The following VPS13B variants were observed in gnomAD, a reference collection of about 807,000 sequenced individuals.
VPS13B encodes intermembrane lipid transfer protein VPS13B.
VPS13B carries 285 observed loss-of-function variants against 426.4 expected under a neutral mutation model. That is an observed-to-expected ratio of 0.67 (90% confidence interval 0.61 to 0.74). VPS13B has a LOEUF of 0.74. Ranked by LOEUF, VPS13B falls within the 30% of genes least tolerant of loss-of-function variation. VPS13B has a pLI of 0.00. For missense variants in VPS13B, 4,537 were observed against 4,782.6 expected, an observed-to-expected ratio of 0.95 and a Z score of 1.51; for synonymous variants, 1,676 against 1,676.4, an observed-to-expected ratio of 1.00 and a Z score of 0.01.
chr8:99,665,022 G>A (rs377345080), intron 35 of VPS13B, among the ~76,000 whole-genome samples: 3 of 152,102 alleles, frequency 2.0e-5, no homozygotes, highest in Non-Finnish European at 2.9e-5. Flanking sequence ...AACTGGTGTG[G>A]GATGGTATCT....
intron 39 of VPS13B, among the ~76,000 whole-genome samples, chr8:99,733,106 A>T (rs1833670594): frequency 1.3e-5 from 2 of 152,222 alleles, no homozygotes; most frequent in Non-Finnish European, 2.9e-5. Context: ...AAATGAAAGA[A>T]TAGTAAATAT....
intron 19 of VPS13B, among the ~76,000 whole-genome samples, chr8:99,307,352 C>G (rs1315283019): frequency 6.6e-6 from 1 of 151,712 alleles, no homozygotes; most frequent in Admixed American, 6.6e-5. Context: ...TTACTGTCCT[C>G]AGGCTTTACA....
intron 3 of VPS13B, among the ~76,000 whole-genome samples, chr8:99,088,044 C>T (rs1375401978): frequency 6.6e-6 from 1 of 151,656 alleles, no homozygotes; most frequent in East Asian, 1.9e-4. Flanking sequence ...ATTAGCTGGG[C>T]GTGGTGGCAT....
In VPS13B at chr8:99,365,971, GTT is replaced by G. The variant is rs779699463; in HGVS notation, c.2825-18226_2825-18225del. 3.8e-5 allele frequency among the ~76,000 whole-genome samples: 5 copies of G among 132,190 alleles called. No homozygotes were observed. In the East Asian group the frequency reaches 6.5e-4, roughly 17 times the overall value. The allele number at this position is 132,190 out of a possible 152,430, so 86.7% of individuals were successfully genotyped here. On this transcript the variant is annotated intron_variant, in intron 19 of 61. Transcript: ENST00000357162. ...TTGATATTATCTCAGGTTTTTTGTTGTTTTTTTTTTTTAATGTTTTAAGACTT... is the reference window on the plus strand; with the variant it reads ...TTGATATTATCTCAGGTTTTTTGTTGTTTTTTTTTTAATGTTTTAAGACTT...
intron 8 of VPS13B, among the ~76,000 whole-genome samples, chr8:99,133,753 A>G (rs1467112656): frequency 2.0e-5 from 3 of 152,206 alleles, no homozygotes; most frequent in South Asian, 4.1e-4. Flanking sequence ...GAACACACAC[A>G]TGTATCAATT....
At chr8:99,755,097 C>G (rs992894710) in intron 39 of VPS13B, among the ~76,000 whole-genome samples, 1 of 152,112 alleles carries the variant, frequency 6.6e-6, no homozygotes, top group Non-Finnish European at 1.5e-5. Flanking sequence ...AGTACATGCT[C>G]ATGAATAAGA....
chr8:99,765,078 T>C (rs1811145904), intron 39 of VPS13B, among the ~76,000 whole-genome samples: 1 of 152,096 alleles, frequency 6.6e-6, no homozygotes. Flanking sequence ...AAACCCCTTC[T>C]CTACTAAAAA....
intron 17 of VPS13B, among the ~76,000 whole-genome samples, chr8:99,256,735 G>A (rs191444860): frequency 3.9e-5 from 6 of 152,004 alleles, no homozygotes; most frequent in Middle Eastern, 3.4e-3. Flanking sequence ...TTTTGAAGTG[G>A]GTTTTTTTGT....
chr8:99,424,941 A>G (rs945606072), intron 21 of VPS13B, among the ~76,000 whole-genome samples: 1 of 152,240 alleles, frequency 6.6e-6, no homozygotes, highest in Non-Finnish European at 1.5e-5. Flanking sequence ...AAACACCTCT[A>G]TGCAAATAAA....
intron 24 of VPS13B, among the ~76,000 whole-genome samples, chr8:99,468,815 A>T (rs1819247346): frequency 6.6e-6 from 1 of 152,186 alleles, no homozygotes; most frequent in Non-Finnish European, 1.5e-5. Context: ...TCACGTGACA[A>T]TTAACTGTAT....
At chr8:99,498,232 C>A (rs968164559) in intron 25 of VPS13B, among the ~76,000 whole-genome samples, 112 of 152,170 alleles carry the variant, frequency 7.4e-4, no homozygotes, top group African/African-American at 2.6e-3. Flanking sequence ...TTTGAAATTG[C>A]AGGTTTGATT....
intron 33 of VPS13B, 179 bp downstream of exon 33, chr8:99,577,812 C>G (rs1271095366): frequency 2.3e-6 from 2 of 870,662 alleles, no homozygotes; most frequent in Non-Finnish European, 3.5e-6. Context: ...TTTGTTTGGT[C>G]TCTATTCCTC....
chr8:99,109,982 T>C (rs1475346841), intron 5 of VPS13B, among the ~76,000 whole-genome samples: 2 of 152,106 alleles, frequency 1.3e-5, no homozygotes, highest in African/African-American at 2.4e-5. Context: ...GGTCCTACTA[T>C]TGTAATTTCT....
intron 25 of VPS13B, among the ~76,000 whole-genome samples, chr8:99,498,880 T>C (rs755917890): frequency 8.5e-5 from 13 of 152,104 alleles, no homozygotes; most frequent in Non-Finnish European, 1.3e-4. Context: ...CTTGTTACTG[T>C]TGACTTAAGT....
intron 21 of VPS13B, among the ~76,000 whole-genome samples, chr8:99,410,181 A>G (rs1397575288): frequency 6.6e-6 from 1 of 152,174 alleles, no homozygotes; most frequent in African/African-American, 2.4e-5. Flanking sequence ...TCTAAAACTC[A>G]AATTTTATTA....
At chr8:99,730,582 A>C (rs1047181251) in intron 39 of VPS13B, among the ~76,000 whole-genome samples, 9 of 152,092 alleles carry the variant, frequency 5.9e-5, no homozygotes, top group African/African-American at 2.2e-4. Context: ...TTTGAGATTA[A>C]CTCAGTAAAT....
intron 23 of VPS13B, among the ~76,000 whole-genome samples, chr8:99,457,193 G>C (rs944243998): frequency 6.6e-6 from 1 of 151,730 alleles, no homozygotes; most frequent in African/African-American, 2.4e-5. Context: ...CAACATGCCC[G>C]GCTAACATTT....
At chr8:99,209,058 A>G (rs971941685) in intron 17 of VPS13B, among the ~76,000 whole-genome samples, 1 of 152,122 alleles carries the variant, frequency 6.6e-6, no homozygotes, top group Non-Finnish European at 1.5e-5. Context: ...AGGTGGGCAG[A>G]TCACAAGGTT....
chr8:99,768,261 C>A lies in VPS13B; in HGVS notation c.7247+1291C>A, dbSNP rs141168760. Among the ~76,000 whole-genome samples, 634 of 152,262 alleles carry A rather than the reference C, an allele frequency of 4.2e-3. 5 individuals carry two copies. Among genetic ancestry groups the A allele is most frequent in the African/African-American group, 0.015 (608 of 41,558 alleles). On this transcript the variant is annotated intron_variant, in intron 40 of 61. Transcript: ENST00000357162. ...TATTCCTTTTATGTAATACCTTCTT[C>A]TTTCCCTGGAAACAACATTCTGACA...
Sources: gnomAD v4.1 joint callset for allele counts (sites outside exome capture counted in the v4.1 genomes callset) on GRCh38, gnomAD v4.1.1 for gene constraint, MANE v1.5 for transcripts, NCBI Gene and HGNC (gene_info 2026-07-23, HGNC 2026-07-21) for gene names.